ABCA9: variants seen among roughly 807,000 people sequenced by gnomAD.
The protein encoded by ABCA9 is ATP binding cassette subfamily A member 9.
A neutral mutation model predicts 205.3 loss-of-function variants in ABCA9; 183 were observed. That is an observed-to-expected ratio of 0.89 (90% CI 0.79 to 1.01). The LOEUF is 1.01. Ranked by LOEUF, ABCA9 falls within the 50% of genes least tolerant of loss-of-function variation. The probability of loss-of-function intolerance (pLI) is 0.00; values close to 1 mark genes in which losing one functional copy is unlikely to be tolerated. For synonymous variants in ABCA9, 651 were observed against 683.3 expected (o/e 0.95, Z 0.74); for missense variants, 1,805 against 1,912.4 (o/e 0.94, Z 1.05).
chr17:69,003,208 A>C (rs538060537), intron 25 of ABCA9, among the ~76,000 whole-genome samples: 2 of 150,694 alleles, frequency 1.3e-5, no homozygotes, highest in South Asian at 4.3e-4. Context: ...GTTTCTTCCT[A>C]GTCTCGATGG....
chr17:69,029,415 TAGA>T (rs1382264197), intron 10 of ABCA9, among the ~76,000 whole-genome samples, 188 bp from the exon 11 acceptor site: 2 of 152,082 alleles, frequency 1.3e-5, no homozygotes, highest in African/African-American at 4.8e-5. Flanking sequence ...GGCAACTAAT[TAGA>T]AGCAGAATCC....
chr17:69,021,811 C>A lies in ABCA9; in HGVS notation c.2332G>T (p.Gly778Cys). 6.3e-7 allele frequency: 1 copy of A among 1,596,762 alleles called. No homozygotes were observed. Among genetic ancestry groups the A allele is most frequent in the Non-Finnish European group, 8.5e-7 (1 of 1,171,040 alleles). ...TCATTCAAAGTTGTTATGGAAACAC[C>A]ATAATCCTCAATGCCTTGGTTAGAA... ...RCSNQGIEDYGVSITTLNEVF... is the reference protein window; with the variant it reads ...RCSNQGIEDYCVSITTLNEVF... The change falls in exon 18 of 39, where the codon GGT (glycine) becomes TGT (cysteine). Residue 778 changes from glycine (G) to cysteine (C), a missense_variant. Coordinates refer to ENST00000340001, the MANE Select transcript of ABCA9 (RefSeq NM_080283.4).
chr17:69,007,920 G>A (rs776792548), intron 24 of ABCA9, 48 bp from the exon 25 acceptor site: 3 of 1,446,450 alleles, frequency 2.1e-6, no homozygotes, highest in South Asian at 2.4e-5. Flanking sequence ...CTATCTAGAA[G>A]AGTACTCATA....
intron 25 of ABCA9, among the ~76,000 whole-genome samples, chr17:69,006,559 C>G (rs991500737): frequency 4.6e-5 from 7 of 152,096 alleles, no homozygotes; most frequent in African/African-American, 1.7e-4. Context: ...CTACATGATT[C>G]CATTTTTATT....
Position 69,026,432 on chromosome 17 carries a change from A to C in ABCA9, c.2086T>G (p.Cys696Gly). Reference protein sequence around the residue: ...KVFISNGKLKCAGSSLFLKKK... With the variant: ...KVFISNGKLKGAGSSLFLKKK... ...TTAAGGAACAGAGAAGAGCCTGCAC[A>C]CTTCAGCTTCCCATTGGATATGAAC... The change falls in exon 16 of 39, where the codon TGT (cysteine) becomes GGT (glycine). Residue 696 changes from cysteine (C) to glycine (G), a missense_variant. Physicochemically the swap from Cys to Gly is radical, Grantham distance 159 (BLOSUM62 -3). Transcript: ENST00000340001. 1 of 1,613,892 alleles carries C rather than the reference A, an allele frequency of 6.2e-7. No individual in the cohort carries two copies.
chr17:69,021,730 A>C lies in ABCA9; in HGVS notation c.2401+12T>G. On this transcript the variant is annotated intron_variant, in intron 18 of 38. Coordinates refer to ENST00000340001, the MANE Select transcript of ABCA9 (RefSeq NM_080283.4). ...CTTTCTCCCTTTCTTTCTCTTTCTT[A>C]TTTTTTCTTACCTGATTCATCAATA... 6.8e-7 allele frequency: 1 copy of C among 1,470,442 alleles called. No individual in the cohort carries two copies. Among genetic ancestry groups the C allele is most frequent in the Admixed American group, 2.1e-5 (1 of 48,328 alleles). The allele number at this position is 1,470,442 out of a possible 1,614,324, so 91.1% of individuals were successfully genotyped here.
At chr17:69,012,885 A>G (rs1218997144) in intron 22 of ABCA9, among the ~76,000 whole-genome samples, 2 of 152,048 alleles carry the variant, frequency 1.3e-5, no homozygotes, top group African/African-American at 4.8e-5. Context: ...TCCCTTTCCC[A>G]GCCTCTGGTA....
At chr17:69,073,225 G>C in the ABCA9 span, among the ~76,000 whole-genome samples, 3 of 152,146 alleles carry the variant, frequency 2.0e-5, no homozygotes, top group Non-Finnish European at 4.4e-5. Flanking sequence ...TTCAGGACGT[G>C]AACTCAGCTC....
chr17:68,989,260 A>C, intron 30 of ABCA9, 142 bp from the exon 31 acceptor site: 1 of 126,294 alleles, frequency 7.9e-6, no homozygotes, highest in Non-Finnish European at 1.8e-5. Flanking sequence ...TCTCTCTCAC[A>C]CACACACACA....
intron 25 of ABCA9, among the ~76,000 whole-genome samples, chr17:68,997,529 A>G (rs2069662383): frequency 6.8e-6 from 1 of 146,932 alleles, no homozygotes; most frequent in Non-Finnish European, 1.5e-5. Context: ...TCCTGGTTGT[A>G]TTAATTTTAA....
chr17:69,058,221 G>A (rs1486621780), intron 1 of ABCA9, among the ~76,000 whole-genome samples: 1 of 152,110 alleles, frequency 6.6e-6, no homozygotes, highest in East Asian at 1.9e-4. Flanking sequence ...TCACATCAAT[G>A]GTATCCTCTT....
chr17:69,064,669 G>A (rs1034154078), upstream of ABCA9, among the ~76,000 whole-genome samples: 4 of 152,212 alleles, frequency 2.6e-5, no homozygotes, highest in African/African-American at 9.7e-5. Context: ...AAAGTATTGA[G>A]TGCAGTAGCT....
At chr17:69,027,165 T>C (rs755037240) in intron 14 of ABCA9, 51 bp from the exon 15 acceptor site, 1 of 1,599,206 alleles carries the variant, frequency 6.3e-7, no homozygotes, top group South Asian at 1.1e-5. Flanking sequence ...GATAAGATCC[T>C]TTTAAAAAGC....
intron 25 of ABCA9, among the ~76,000 whole-genome samples, chr17:69,006,708 T>G (rs898952725): frequency 2.6e-5 from 4 of 152,114 alleles, no homozygotes; most frequent in African/African-American, 9.7e-5. Flanking sequence ...TACCTGGTAG[T>G]TTTGGGGAAG....
rs201261747 is a variant in ABCA9, at chr17:68,984,977, C to T, written c.4287G>A (p.Leu1429=). 1.2e-5 allele frequency: 20 copies of T among 1,614,208 alleles called. No individual in the cohort carries two copies. In the African/African-American group the frequency reaches 2.4e-4, roughly 19 times the overall value. Residue 1429 remains leucine (L), a splice_region_variant and synonymous_variant, in exon 34 of 39, where the codon CTG becomes CTA. Coordinates refer to ENST00000340001, the MANE Select transcript of ABCA9 (RefSeq NM_080283.4). ...KTLSEGIKRK[L]CFVLSILGNP... is the part of the protein sequence containing the mutation. ...TCCCCAGGATGCTCAGCACAAAGCA[C>T]AGCTGCAACGGGAGGAACAGCCCCT...
intron 28 of ABCA9, among the ~76,000 whole-genome samples, chr17:68,991,175 G>A (rs1423072368): frequency 6.6e-6 from 1 of 152,116 alleles, no homozygotes. Context: ...TTTTACCAAA[G>A]CTTAATCCTC....
intron 8 of ABCA9, among the ~76,000 whole-genome samples, chr17:69,034,297 C>T (rs2071261274): frequency 6.6e-6 from 1 of 152,232 alleles, no homozygotes; most frequent in Non-Finnish European, 1.5e-5. Context: ...TTTCAACTCA[C>T]AGCAGGCTCA....
chr17:69,043,973 T>G (rs1236625885), intron 5 of ABCA9, among the ~76,000 whole-genome samples: 1 of 152,174 alleles, frequency 6.6e-6, no homozygotes, highest in African/African-American at 2.4e-5. Context: ...TAGCAAATTT[T>G]CCCTGATGTT....
chr17:69,044,690 TC>T, intron 4 of ABCA9, 90 bp from the exon 5 acceptor site: 1 of 1,165,336 alleles, frequency 8.6e-7, no homozygotes, highest in Non-Finnish European at 1.2e-6. Context: ...AAATGCAAAG[TC>T]CATGATAATA....
Sources: gnomAD v4.1 joint callset for allele counts (sites outside exome capture counted in the v4.1 genomes callset) on GRCh38, gnomAD v4.1.1 for gene constraint, MANE v1.5 for transcripts, NCBI Gene and HGNC (gene_info 2026-07-23, HGNC 2026-07-21) for gene names.